Variants in LMNB1 observed in about 807,000 individuals in gnomAD.
LMNB1 encodes lamin-B1.
Under a neutral mutation model 67.1 loss-of-function variants are expected in LMNB1, and 23 were observed. That is an observed-to-expected ratio of 0.34 (90% CI 0.25 to 0.49). The LOEUF is 0.49. LMNB1 is among the 20% of genes least tolerant of loss of function. LMNB1 has a pLI of 0.99. For synonymous variants in LMNB1, 281 were observed against 282.9 expected (o/e 0.99, Z 0.07); for missense variants, 634 against 746.5 (o/e 0.85, Z 1.76).
chr5:126,787,546 A>ATATATATATATATATTTTTTTTTTTTTT, intron 1 of LMNB1, among the ~76,000 whole-genome samples: 1 of 65,570 alleles, frequency 1.5e-5, no homozygotes, highest in Non-Finnish European at 2.7e-5. Flanking sequence ...ATATATATAT[A>ATATATATATATATATTTTTTTTTTTTTT]TTTTTTTTTT....
At chr5:126,782,795 G>A (rs1284128045) in intron 1 of LMNB1, among the ~76,000 whole-genome samples, 5 of 151,994 alleles carry the variant, frequency 3.3e-5, no homozygotes, top group Non-Finnish European at 5.9e-5. Context: ...TGATCTGCCC[G>A]CCTCTGCCTC....
chr5:126,808,800 C>T (rs573984425), intron 3 of LMNB1, among the ~76,000 whole-genome samples: 5 of 152,192 alleles, frequency 3.3e-5, no homozygotes, highest in South Asian at 2.1e-4. Flanking sequence ...AAAATACATG[C>T]GCTAATATAC....
intron 1 of LMNB1, among the ~76,000 whole-genome samples, chr5:126,802,717 A>G (rs1018909795): frequency 2.0e-4 from 30 of 152,142 alleles, no homozygotes; most frequent in African/African-American, 7.0e-4. Flanking sequence ...CTGGGATTAC[A>G]GGCATGGCCC....
intron 1 of LMNB1, among the ~76,000 whole-genome samples, chr5:126,779,454 T>A (rs1750567565): frequency 6.6e-6 from 1 of 152,222 alleles, no homozygotes; most frequent in Admixed American, 6.5e-5. Context: ...TTCCTCCAAA[T>A]TTTTTGCCAC....
Position 126,798,576 on chromosome 5 carries a change from AGAGAGG to A in LMNB1, c.360-6199_360-6194del, listed in dbSNP as rs1184684831. ...CAGCCTGGGAAATTGGTAGGAAGAA[AGAGAGG>A]ATACCCATGCATGTGAGTTTTAGAG... On this transcript the variant is annotated intron_variant, in intron 1 of 10. Transcript: ENST00000261366. 2.1e-3 allele frequency among the ~76,000 whole-genome samples: 321 copies of A among 152,308 alleles called. 1 individual carries two copies. Among genetic ancestry groups the A allele is most frequent in the African/African-American group, 7.5e-3 (313 of 41,572 alleles).
intron 7 of LMNB1, among the ~76,000 whole-genome samples, chr5:126,821,375 T>C (rs1241453966): frequency 6.6e-6 from 1 of 152,200 alleles, no homozygotes; most frequent in Admixed American, 6.5e-5. Context: ...GGCCAGGGCT[T>C]TTTTGAAAAG....
At chr5:126,784,382 G>A (rs1346135936) in intron 1 of LMNB1, among the ~76,000 whole-genome samples, 1 of 142,972 alleles carries the variant, frequency 7.0e-6, no homozygotes, top group Non-Finnish European at 1.5e-5. Context: ...TTGAGGCAGG[G>A]TCTCGCTGTG....
intron 9 of LMNB1, among the ~76,000 whole-genome samples, chr5:126,829,995 C>G (rs1752092539): frequency 6.6e-6 from 1 of 151,798 alleles, no homozygotes; most frequent in African/African-American, 2.4e-5. Flanking sequence ...TCCAAACTTT[C>G]CAGAATATAG....
intron 1 of LMNB1, among the ~76,000 whole-genome samples, chr5:126,798,992 C>T (rs1162897465): frequency 6.7e-6 from 1 of 148,688 alleles, no homozygotes; most frequent in Non-Finnish European, 1.5e-5. Context: ...GTTCTTCTCT[C>T]TTTATTAGCC....
At position 126,787,535 on chromosome 5, in the gene LMNB1, TATA is replaced by T. The variant is rs1561735694; in HGVS notation, c.359+9669_359+9671del. Among the ~76,000 whole-genome samples, 200 of 95,976 alleles carry T rather than the reference TATA, an allele frequency of 2.1e-3. 3 individuals are homozygous for T. Among genetic ancestry groups the T allele is most frequent in the Admixed American group, 2.6e-3 (21 of 8,072 alleles). 63.0% of individuals were successfully genotyped at this position (95,976 alleles called of 152,430 possible). On this transcript the variant is annotated intron_variant, in intron 1 of 10. Coordinates refer to ENST00000261366, the MANE Select transcript of LMNB1 (RefSeq NM_005573.4). ...GTGTGTGTGTGGGGGTATATATATA[TATA>T]TATATATATTTTTTTTTTTTTTTTT...
intron 3 of LMNB1, among the ~76,000 whole-genome samples, chr5:126,806,723 C>G (rs1229707097): frequency 6.6e-6 from 1 of 152,144 alleles, no homozygotes; most frequent in African/African-American, 2.4e-5. Flanking sequence ...TCACTTTGGC[C>G]TTCTCCTATG....
intron 1 of LMNB1, among the ~76,000 whole-genome samples, chr5:126,778,329 G>A (rs1450843223): frequency 2.0e-5 from 3 of 152,176 alleles, no homozygotes; most frequent in Admixed American, 6.5e-5. Flanking sequence ...CGGCCGGGGA[G>A]GACTGGCAGC....
At chr5:126,818,300 G>A (rs947512577) in intron 5 of LMNB1, among the ~76,000 whole-genome samples, 7 of 149,456 alleles carry the variant, frequency 4.7e-5, no homozygotes, top group African/African-American at 1.7e-4. Flanking sequence ...GTGCAATGGC[G>A]TGATCTTGGC....
intron 1 of LMNB1, among the ~76,000 whole-genome samples, chr5:126,782,455 C>T (rs1314442253): frequency 1.3e-5 from 2 of 152,150 alleles, no homozygotes; most frequent in African/African-American, 4.8e-5. Context: ...GAAAATAGAC[C>T]TGGTTTCAGG....
intron 1 of LMNB1, among the ~76,000 whole-genome samples, chr5:126,800,951 C>CTACATATATATATATATATATATATA (rs1210732092): frequency 2.1e-5 from 1 of 47,314 alleles, no homozygotes; most frequent in East Asian, 5.3e-4. Flanking sequence ...TGCAGCCAGA[C>CTACATATATATATATATATATATATA]TATATATATA....
intron 1 of LMNB1, among the ~76,000 whole-genome samples, chr5:126,793,562 A>G (rs1182196660): frequency 6.6e-6 from 1 of 152,144 alleles, no homozygotes; most frequent in Non-Finnish European, 1.5e-5. Flanking sequence ...ATGCCAGAGG[A>G]GACCCTTGTT....
chr5:126,813,260 C>T (rs1204251071), intron 5 of LMNB1, among the ~76,000 whole-genome samples: 1 of 152,046 alleles, frequency 6.6e-6, no homozygotes, highest in African/African-American at 2.4e-5. Flanking sequence ...TTATTTTAAA[C>T]CTATTTTGTG....
chr5:126,777,909 GGGGGC>G, intron 1 of LMNB1, 42 bp downstream of exon 1: 1 of 1,380,930 alleles, frequency 7.2e-7, no homozygotes, highest in South Asian at 1.6e-5. Context: ...AAGGAGGGGC[GGGGGC>G]GCAACCGCGG....
intron 1 of LMNB1, among the ~76,000 whole-genome samples, chr5:126,794,712 T>C (rs923414957): frequency 2.2e-4 from 34 of 152,254 alleles, no homozygotes; most frequent in African/African-American, 7.5e-4. Flanking sequence ...GGCCTGGCTC[T>C]GTATGTACAG....
Sources: gnomAD v4.1 joint callset for allele counts (sites outside exome capture counted in the v4.1 genomes callset) on GRCh38, gnomAD v4.1.1 for gene constraint, MANE v1.5 for transcripts, NCBI Gene and HGNC (gene_info 2026-07-23, HGNC 2026-07-21) for gene names.